MSI2: variants seen among roughly 807,000 people sequenced by gnomAD.
MSI2 encodes the protein RNA-binding protein Musashi homolog 2.
Under a neutral mutation model 45.6 loss-of-function variants are expected in MSI2, and 17 were observed. The observed-to-expected ratio is 0.37, with a 90% CI of 0.26 to 0.56. The LOEUF (loss-of-function observed/expected upper bound fraction) is 0.56. Among genes scored for constraint, MSI2 ranks in the 20% least tolerant of loss-of-function variants. The pLI is 0.77. For synonymous variants in MSI2, 156 were observed against 158.2 expected (o/e 0.99, Z 0.11); for missense variants, 293 against 444.2 (o/e 0.66, Z 3.06).
chr17:57,510,254 C>T (rs943894086), intron 6 of MSI2, among the ~76,000 whole-genome samples: 1 of 151,886 alleles, frequency 6.6e-6, no homozygotes, highest in Non-Finnish European at 1.5e-5. Flanking sequence ...CCCCTGAGGC[C>T]CTCTTGATGA....
chr17:57,351,675 G>A (rs1035350880), intron 5 of MSI2, among the ~76,000 whole-genome samples: 1 of 152,182 alleles, frequency 6.6e-6, no homozygotes, highest in African/African-American at 2.4e-5. Flanking sequence ...GGCCAACATG[G>A]CGAAACCTCA....
chr17:57,302,345 G>A (rs1170119721), intron 5 of MSI2, among the ~76,000 whole-genome samples: 1 of 152,186 alleles, frequency 6.6e-6, no homozygotes, highest in Non-Finnish European at 1.5e-5. Context: ...CCTGGGCTCA[G>A]TAGGGCCTCC....
At position 57,256,657 on chromosome 17, in the gene MSI2, T is replaced by G; in HGVS notation, c.-86T>G. On this transcript the variant is annotated 5_prime_UTR_variant, in exon 1 of 14. Coordinates refer to ENST00000284073, the MANE Select transcript of MSI2 (RefSeq NM_138962.4). ...GAGGAGGGGGAGGAGGGAGCGGAGATCTCGGGGCTCGGAGCCGGCCGCCGC... is the reference window on the plus strand; with the variant it reads ...GAGGAGGGGGAGGAGGGAGCGGAGAGCTCGGGGCTCGGAGCCGGCCGCCGC... The G allele has an allele frequency of 2.0e-6, 1 of 510,798 alleles. No individual in the cohort carries two copies. The highest frequency in any genetic ancestry group is 3.5e-5 in the South Asian group (1 of 28,496). 31.6% of individuals were successfully genotyped at this position (510,798 alleles called of 1,614,324 possible). A position where few individuals can be genotyped will look rare whatever the true frequency, so the allele number is the denominator to read the frequency against.
rs540557097 is a variant in MSI2, at chr17:57,565,574, C to T, written c.455-31294C>T. Among the ~76,000 whole-genome samples the T allele has an allele frequency of 1.0e-3, 157 of 152,340 alleles. 1 individual carries two copies. The highest frequency in any genetic ancestry group is 3.4e-3 in the African/African-American group (141 of 41,582). The stretch of plus-strand genomic sequence containing the variant: ...TTGTCCTGCTCCATCACAGCCTTAC[C>T]AGTTTTGTGTTGGGATTGCTTGCCT... On this transcript the variant is annotated intron_variant, in intron 7 of 13. Transcript: ENST00000284073.
chr17:57,365,483 G>A (rs564339893), intron 5 of MSI2, among the ~76,000 whole-genome samples: 9 of 152,294 alleles, frequency 5.9e-5, no homozygotes, highest in African/African-American at 1.7e-4. Flanking sequence ...GATACTGCAC[G>A]GATCCTATGA....
chr17:57,687,254 T>C (rs2144780099), downstream of MSI2, among the ~76,000 whole-genome samples: 1 of 151,766 alleles, frequency 6.6e-6, no homozygotes, highest in African/African-American at 2.4e-5. Flanking sequence ...TGAAGGAATA[T>C]ATTACTTTTT....
intron 6 of MSI2, among the ~76,000 whole-genome samples, chr17:57,496,059 G>A (rs1598333433): frequency 6.6e-6 from 1 of 152,186 alleles, no homozygotes; most frequent in South Asian, 2.1e-4. Context: ...AACAAAAGGG[G>A]TTTATCTGAA....
intron 5 of MSI2, among the ~76,000 whole-genome samples, chr17:57,347,665 C>G (rs544946619): frequency 5.9e-5 from 9 of 152,146 alleles, no homozygotes; most frequent in Non-Finnish European, 1.3e-4. Context: ...TTTCTACCCC[C>G]CTGAAAGCAA....
intron 7 of MSI2, among the ~76,000 whole-genome samples, chr17:57,575,152 C>A (rs1417174951): frequency 9.5e-6 from 1 of 105,668 alleles, no homozygotes; most frequent in Non-Finnish European, 1.9e-5. Flanking sequence ...TTAACTCCCT[C>A]CCCCCGCCAC....
At chr17:57,356,164 C>T (rs1021049101) in intron 5 of MSI2, among the ~76,000 whole-genome samples, 1 of 152,180 alleles carries the variant, frequency 6.6e-6, no homozygotes, top group African/African-American at 2.4e-5. Context: ...CTTGAGCCAC[C>T]GTGCCTGGCC....
At chr17:57,671,938 A>G (rs1172907667) in intron 11 of MSI2, among the ~76,000 whole-genome samples, 1 of 152,214 alleles carries the variant, frequency 6.6e-6, no homozygotes, top group Non-Finnish European at 1.5e-5. Flanking sequence ...AGAGACAGAC[A>G]GAGAGAAGTG....
At chr17:57,478,861 G>A (rs369380955) in intron 6 of MSI2, among the ~76,000 whole-genome samples, 463 of 152,306 alleles carry the variant, frequency 3.0e-3, no homozygotes, top group Non-Finnish European at 4.4e-3. Context: ...TGTTTAACCT[G>A]TGAGAGAGTC....
chr17:57,492,530 T>G (rs2085894611), intron 6 of MSI2, among the ~76,000 whole-genome samples: 1 of 152,158 alleles, frequency 6.6e-6, no homozygotes, highest in Admixed American at 6.5e-5. Context: ...GCTGAGTACA[T>G]GGGGCCTCTT....
At chr17:57,439,141 T>C (rs2084748160) in intron 6 of MSI2, among the ~76,000 whole-genome samples, 1 of 152,124 alleles carries the variant, frequency 6.6e-6, no homozygotes, top group African/African-American at 2.4e-5. Flanking sequence ...ACACTTTCAT[T>C]AGGTTTCTGT....
At chr17:57,488,113 A>G (rs1167259148) in intron 6 of MSI2, among the ~76,000 whole-genome samples, 2 of 151,994 alleles carry the variant, frequency 1.3e-5, no homozygotes, top group African/African-American at 4.8e-5. Context: ...AGCCACCTTC[A>G]TTTGTCCCGA....
intron 5 of MSI2, among the ~76,000 whole-genome samples, chr17:57,309,980 G>C (rs1415591974): frequency 5.9e-5 from 9 of 152,210 alleles, no homozygotes; most frequent in Non-Finnish European, 1.5e-5. Flanking sequence ...GGGGTGCAGG[G>C]GCTGGGGAGT....
intron 5 of MSI2, among the ~76,000 whole-genome samples, chr17:57,351,685 A>C (rs1480164680): frequency 6.6e-6 from 1 of 152,108 alleles, no homozygotes. Context: ...GCGAAACCTC[A>C]TCTCTACTAA....
At chr17:57,688,155 C>T (rs1480712448), downstream of MSI2, among the ~76,000 whole-genome samples, 1 of 152,092 alleles carries the variant, frequency 6.6e-6, no homozygotes, top group African/African-American at 2.4e-5. Context: ...AGGGGTGCTG[C>T]TGTCACTATT....
chr17:57,616,201 C>T, intron 9 of MSI2, 117 bp downstream of exon 9: 1 of 708,032 alleles, frequency 1.4e-6, no homozygotes, highest in Non-Finnish European at 2.4e-6. Context: ...GCCTCAGTTT[C>T]CTTGTCTGTA....
Sources: allele counts gnomAD v4.1 joint callset (sites outside exome capture counted in the v4.1 genomes callset), GRCh38; gene constraint gnomAD v4.1.1; transcripts MANE v1.5; gene names NCBI Gene and HGNC (gene_info 2026-07-23, HGNC 2026-07-21).